Variants in DAOA observed in about 807,000 individuals in gnomAD.
DAOA encodes D-amino acid oxidase regulator.
Under a neutral mutation model 16.4 loss-of-function variants are expected in DAOA, and 15 were observed. That is an observed-to-expected ratio of 0.91 (90% CI 0.61 to 1.41). The LOEUF (loss-of-function observed/expected upper bound fraction) is 1.41. Among genes scored for constraint, DAOA ranks in the 40% most tolerant of loss-of-function variants. The probability of loss-of-function intolerance (pLI) is 0.00; values close to 1 mark genes in which losing one functional copy is unlikely to be tolerated. For synonymous variants in DAOA, 75 were observed against 59.1 expected, an observed-to-expected ratio of 1.27 and a Z score of -1.23; for missense variants, 230 against 176.8, an observed-to-expected ratio of 1.30 and a Z score of -1.71.
At position 105,472,638 on chromosome 13, in the gene DAOA, G is replaced by C. The variant is rs1481916062; in HGVS notation, c.234G>C (p.Gln78His). The change falls in exon 4 of 6, where the codon CAG (glutamine) becomes CAC (histidine). Residue 78 changes from glutamine (Q) to histidine (H), a missense_variant. By Grantham distance (24) the Gln-to-His change is conservative. Transcript: ENST00000375936. Reference sequence around the variant, plus strand: ...TGGAAATGGCACAGAGGCATTTACAGAGATCATTATGTCCTTGGGTCTCTT... The same window carrying C: ...TGGAAATGGCACAGAGGCATTTACACAGATCATTATGTCCTTGGGTCTCTT... ...GYLEMAQRHL[Q>H]RSLCPWVSYL... 3 of 1,614,056 alleles carry C rather than the reference G, an allele frequency of 1.9e-6. No homozygotes were observed. The highest frequency in any genetic ancestry group is 1.7e-5 in the Admixed American group (1 of 60,028).
chr13:105,466,284 C>T lies in DAOA; in HGVS notation c.-5C>T. ...ATGCCGATGATTTAGCTGGGAGGAC[C>T]CAAAATGCTGGAAAAGCTGATGGGT... On this transcript the variant is annotated 5_prime_UTR_variant, in exon 2 of 6. Coordinates refer to ENST00000375936, the MANE Select transcript of DAOA (RefSeq NM_172370.5). 1 of 1,613,880 alleles carries T rather than the reference C, an allele frequency of 6.2e-7. No individual in the cohort carries two copies. Among genetic ancestry groups the T allele is most frequent in the South Asian group, 1.1e-5 (1 of 91,016 alleles).
intron 3 of DAOA, among the ~76,000 whole-genome samples, chr13:105,471,730 G>A (rs1041137237): frequency 6.8e-6 from 1 of 148,094 alleles, no homozygotes; most frequent in Non-Finnish European, 1.5e-5. Flanking sequence ...TCGATTCACA[G>A]AGCAATAATC....
At chr13:105,483,999 G>A (rs117788980) in intron 4 of DAOA, among the ~76,000 whole-genome samples, 2,328 of 151,870 alleles carry the variant, frequency 0.015, 23 homozygotes, top group Non-Finnish European at 0.023. Flanking sequence ...TCTTCCATGA[G>A]TTTTATAGTT....
intron 4 of DAOA, among the ~76,000 whole-genome samples, chr13:105,484,203 T>G (rs2139198802): frequency 6.6e-6 from 1 of 152,278 alleles, no homozygotes; most frequent in East Asian, 1.9e-4. Context: ...GTCTATTTTT[T>G]TTTTACTTTC....
At chr13:105,482,699 G>C (rs1291308656) in intron 4 of DAOA, among the ~76,000 whole-genome samples, 3 of 151,788 alleles carry the variant, frequency 2.0e-5, no homozygotes, top group Admixed American at 2.0e-4. Flanking sequence ...GTAGAGACAG[G>C]GTTTCACCAT....
chr13:105,470,790 C>CTTTTT, intron 3 of DAOA, among the ~76,000 whole-genome samples: 1 of 61,652 alleles, frequency 1.6e-5, no homozygotes, highest in East Asian at 1.0e-3. Flanking sequence ...GTTTTCTTTT[C>CTTTTT]TTTTTTCTTT....
At chr13:105,474,272 A>G (rs575795940) in intron 4 of DAOA, among the ~76,000 whole-genome samples, 1 of 152,100 alleles carries the variant, frequency 6.6e-6, no homozygotes, top group Non-Finnish European at 1.5e-5. Flanking sequence ...GGCATCACAT[A>G]GGAAGACAGA....
intron 3 of DAOA, among the ~76,000 whole-genome samples, chr13:105,471,719 G>T (rs1284394177): frequency 6.6e-6 from 1 of 152,128 alleles, no homozygotes; most frequent in Non-Finnish European, 1.5e-5. Context: ...GGTAAAACTG[G>T]TCGATTCACA....
intron 4 of DAOA, among the ~76,000 whole-genome samples, chr13:105,483,417 G>A (rs1175522402): frequency 1.3e-5 from 2 of 152,092 alleles, no homozygotes; most frequent in South Asian, 4.1e-4. Context: ...CTTTATTTAA[G>A]GAATCTGCTT....
chr13:105,484,163 G>A (rs9586868), intron 4 of DAOA, among the ~76,000 whole-genome samples: 4,642 of 151,838 alleles, frequency 0.031, 252 homozygotes, highest in African/African-American at 0.11. Flanking sequence ...TTTGCCCCTT[G>A]GCCAAAATCA....
chr13:105,470,601 A>T (rs1474900464), intron 3 of DAOA, among the ~76,000 whole-genome samples: 1 of 152,002 alleles, frequency 6.6e-6, no homozygotes, highest in Non-Finnish European at 1.5e-5. Flanking sequence ...TTCTATTTTT[A>T]TTTATTTGTT....
chr13:105,483,605 A>T (rs1196085061), intron 4 of DAOA, among the ~76,000 whole-genome samples: 1 of 152,140 alleles, frequency 6.6e-6, no homozygotes, highest in African/African-American at 2.4e-5. Flanking sequence ...CCTAATGACT[A>T]ATGATATTGA....
chr13:105,480,561 T>C (rs1877662296), intron 4 of DAOA, among the ~76,000 whole-genome samples: 1 of 147,272 alleles, frequency 6.8e-6, no homozygotes, highest in East Asian at 2.0e-4. Flanking sequence ...GATAGATAGA[T>C]AGATAGATAG....
At chr13:105,489,675 T>C (rs1210945589) in intron 4 of DAOA, 3 of 990,346 alleles carry the variant, frequency 3.0e-6, no homozygotes, top group African/African-American at 1.6e-5. Context: ...TCACAGTCTT[T>C]CTTTGAAATT....
At position 105,484,907 on chromosome 13, in the gene DAOA, T is replaced by G. The variant is rs548934911; in HGVS notation, c.282-4994T>G. 5.9e-5 allele frequency among the ~76,000 whole-genome samples: 9 copies of G among 152,250 alleles called. No individual in the cohort carries two copies. The East Asian group carries it at 1.7e-3, about 29-fold the overall frequency. On this transcript the variant is annotated intron_variant, in intron 4 of 5. Coordinates refer to ENST00000375936, the MANE Select transcript of DAOA (RefSeq NM_172370.5). The stretch of plus-strand genomic sequence containing the variant: ...AACTTAGGTAATCTCAGGCAATTGT[T>G]GGGATCAATGTATTTGCTTATTTTT...
chr13:105,484,312 A>G lies in DAOA; in HGVS notation c.282-5589A>G, dbSNP rs535265775. Among the ~76,000 whole-genome samples, 125 of 152,232 alleles carry G rather than the reference A, an allele frequency of 8.2e-4. No individual in the cohort carries two copies. The Middle Eastern group carries it at 0.01, about 12-fold the overall frequency. ...CTTTTAGAAAAGTGTTACAGCTGTA[A>G]CAATTCTTTTGCGTTTACATAGGAA... On this transcript the variant is annotated intron_variant, in intron 4 of 5. Coordinates refer to ENST00000375936, the MANE Select transcript of DAOA (RefSeq NM_172370.5).
At position 105,482,698 on chromosome 13, in the gene DAOA, G is replaced by A. The variant is rs533516356; in HGVS notation, c.282-7203G>A. The stretch of plus-strand genomic sequence containing the variant: ...ACTTTTTGTATTTTTAGTAGAGACA[G>A]GGTTTCACCATGTTGTTCAGGCTGG... On this transcript the variant is annotated intron_variant, in intron 4 of 5. Transcript: ENST00000375936. 1.4e-4 allele frequency among the ~76,000 whole-genome samples: 21 copies of A among 152,084 alleles called. 1 individual carries two copies. Among genetic ancestry groups the A allele is most frequent in the Admixed American group, 1.3e-3 (20 of 15,260 alleles).
intron 4 of DAOA, among the ~76,000 whole-genome samples, chr13:105,481,191 G>A (rs1291897963): frequency 6.6e-6 from 1 of 152,088 alleles, no homozygotes; most frequent in African/African-American, 2.4e-5. Context: ...CTTTATAATA[G>A]CAATAGTCCT....
intron 4 of DAOA, chr13:105,477,157 C>A (rs1225425918): frequency 6.6e-6 from 1 of 152,106 alleles, no homozygotes; most frequent in Non-Finnish European, 1.5e-5. Context: ...GAAGCTGAGA[C>A]CTCCAACAGA....
Sources: gnomAD v4.1 joint callset for allele counts (sites outside exome capture counted in the v4.1 genomes callset) on GRCh38, gnomAD v4.1.1 for gene constraint, MANE v1.5 for transcripts, NCBI Gene and HGNC (gene_info 2026-07-23, HGNC 2026-07-21) for gene names.